Variants in RAP1A observed in about 807,000 individuals in gnomAD.
RAP1A encodes the protein ras-related protein Rap-1A.
RAP1A carries 6 observed loss-of-function variants against 26.4 expected under a neutral mutation model. The observed-to-expected ratio is 0.23, with a 90% CI of 0.12 to 0.45. The LOEUF is 0.45. Ranked by LOEUF, RAP1A falls within the 20% of genes least tolerant of loss-of-function variation. The pLI, the probability that RAP1A is intolerant of heterozygous loss-of-function variation, is 0.99. For synonymous variants in RAP1A, 73 were observed against 79.4 expected, an observed-to-expected ratio of 0.92 and a Z score of 0.43; for missense variants, 121 against 217.2, an observed-to-expected ratio of 0.56 and a Z score of 2.78.
upstream of RAP1A, chr1:111,619,644 A>G (rs1659101802): frequency 5.1e-6 from 2 of 389,646 alleles, no homozygotes; most frequent in Non-Finnish European, 9.1e-6. Context: ...TCCCGGCTCC[A>G]GTGTGCGCGG....
intron 1 of RAP1A, among the ~76,000 whole-genome samples, chr1:111,645,577 A>G (rs571675400): frequency 4.6e-5 from 7 of 152,364 alleles, no homozygotes; most frequent in Admixed American, 2.0e-4. Flanking sequence ...CATGGAATAG[A>G]GGAATCTGAG....
At chr1:111,665,603 T>G (rs1386162726) in intron 1 of RAP1A, among the ~76,000 whole-genome samples, 1 of 152,190 alleles carries the variant, frequency 6.6e-6, no homozygotes, top group Non-Finnish European at 1.5e-5. Context: ...GGTAATACAT[T>G]TAAAAAGCAG....
chr1:111,594,820 T>G (rs1658536082), intron 1 of RAP1A, among the ~76,000 whole-genome samples: 1 of 152,182 alleles, frequency 6.6e-6, no homozygotes, highest in South Asian at 2.1e-4. Flanking sequence ...AAGTCTTCAT[T>G]TCAAAATGAA....
chr1:111,588,116 C>T (rs1658413574), intron 1 of RAP1A, among the ~76,000 whole-genome samples: 2 of 152,196 alleles, frequency 1.3e-5, no homozygotes, highest in Admixed American at 6.5e-5. Context: ...GCCTGCTTCT[C>T]TTCCTGCCTC....
At chr1:111,687,553 A>G (rs1456447201) in intron 1 of RAP1A, among the ~76,000 whole-genome samples, 3 of 152,140 alleles carry the variant, frequency 2.0e-5, no homozygotes, top group Non-Finnish European at 2.9e-5. Flanking sequence ...TGGGACTTAC[A>G]ATATACTTCT....
intron 1 of RAP1A, among the ~76,000 whole-genome samples, chr1:111,562,965 T>C (rs754025453): frequency 6.6e-6 from 1 of 152,258 alleles, no homozygotes; most frequent in Non-Finnish European, 1.5e-5. Flanking sequence ...TTAAGAACTT[T>C]AGATAGATTA....
At chr1:111,697,606 T>G in intron 4 of RAP1A, 109 bp downstream of exon 4, 1 of 1,531,306 alleles carries the variant, frequency 6.5e-7, no homozygotes, top group Non-Finnish European at 8.8e-7. Flanking sequence ...TCATTCTGAT[T>G]AAGAAGAAAT....
chr1:111,578,798 G>T (rs1165895997), intron 1 of RAP1A, among the ~76,000 whole-genome samples: 1 of 152,072 alleles, frequency 6.6e-6, no homozygotes, highest in Non-Finnish European at 1.5e-5. Flanking sequence ...CCACAAAACT[G>T]CTCTCACTTC....
At chr1:111,685,544 T>A (rs563801339) in intron 1 of RAP1A, among the ~76,000 whole-genome samples, 19 of 152,282 alleles carry the variant, frequency 1.2e-4, no homozygotes, top group Admixed American at 2.6e-4. Flanking sequence ...CACTGGTCGT[T>A]AGAGAAATGC....
intron 1 of RAP1A, among the ~76,000 whole-genome samples, chr1:111,555,374 A>AT (rs1437942656): frequency 1.3e-5 from 2 of 150,536 alleles, no homozygotes; most frequent in African/African-American, 4.9e-5. Flanking sequence ...AAAAAAAAAA[A>AT]AAAAAAAAAA....
rs555170188 is a variant in RAP1A at position 111,715,764 on chromosome 1, C to T, written c.*3363C>T. ...TTATAGAAAATAATGATCTTTATTA[C>T]CAACTTTATTAAAACAGGCTTGGAA... On this transcript the variant is annotated 3_prime_UTR_variant, in exon 8 of 8. Coordinates refer to ENST00000369709, the MANE Select transcript of RAP1A (RefSeq NM_002884.4). The T allele has an allele frequency of 3.9e-5, 6 of 152,288 alleles. No homozygotes were observed. Among genetic ancestry groups the T allele is most frequent in the Non-Finnish European group, 7.4e-5 (5 of 68,022 alleles). The allele number at this position is 152,288 out of a possible 1,614,324, so 9.4% of individuals were successfully genotyped here.
chr1:111,639,539 T>G (rs1055085829), intron 1 of RAP1A, among the ~76,000 whole-genome samples: 6 of 151,168 alleles, frequency 4.0e-5, no homozygotes, highest in Non-Finnish European at 7.4e-5. Flanking sequence ...TGATACTATA[T>G]ACTATTAGTA....
In RAP1A at chr1:111,650,093, CTTTTTTTT is replaced by C. The variant is rs57681662; in HGVS notation, c.-28+30177_-28+30184del. Among the ~76,000 whole-genome samples, 13 of 75,852 alleles carry C rather than the reference CTTTTTTTT, an allele frequency of 1.7e-4. No homozygotes were observed. The East Asian group carries it at 2.6e-3, about 15-fold the overall frequency. 49.8% of individuals were successfully genotyped at this position (75,852 alleles called of 152,430 possible). A position where few individuals can be genotyped will look rare whatever the true frequency, so the allele number is the denominator to read the frequency against. On this transcript the variant is annotated intron_variant, in intron 1 of 7. Coordinates refer to ENST00000369709, the MANE Select transcript of RAP1A (RefSeq NM_002884.4). ...GTAATATTTGTGGAGTGGTAGAGTG[CTTTTTTTT>C]TTTTTTTTTTTTTTTTTACATTTAC...
chr1:111,673,967 T>C (rs1164407881), intron 1 of RAP1A, among the ~76,000 whole-genome samples: 1 of 152,238 alleles, frequency 6.6e-6, no homozygotes, highest in Non-Finnish European at 1.5e-5. Context: ...CTTGAATGTC[T>C]TGCCATTTTA....
At chr1:111,657,709 A>G (rs2101150549) in intron 1 of RAP1A, among the ~76,000 whole-genome samples, 1 of 152,324 alleles carries the variant, frequency 6.6e-6, no homozygotes, top group East Asian at 1.9e-4. Flanking sequence ...TGAAAAGACC[A>G]TCCTTTCCCA....
intron 1 of RAP1A, among the ~76,000 whole-genome samples, chr1:111,670,426 A>G (rs1440663600): frequency 1.3e-5 from 2 of 152,142 alleles, no homozygotes; most frequent in African/African-American, 4.8e-5. Flanking sequence ...GTGAGCCAAG[A>G]TCATGCCACT....
chr1:111,658,089 T>C (rs1253450508), intron 1 of RAP1A, among the ~76,000 whole-genome samples: 1 of 152,210 alleles, frequency 6.6e-6, no homozygotes, highest in East Asian at 1.9e-4. Context: ...ATATATATTC[T>C]TTCATTGTTG....
chr1:111,555,830 C>A (rs60452233), intron 1 of RAP1A, among the ~76,000 whole-genome samples: 7,592 of 152,074 alleles, frequency 0.05, 391 homozygotes, highest in East Asian at 0.18. Flanking sequence ...CATAAGGGGA[C>A]AAGCTTCACA....
chr1:111,675,453 CAG>C (rs1661098460), intron 1 of RAP1A, among the ~76,000 whole-genome samples: 3 of 152,018 alleles, frequency 2.0e-5, no homozygotes, highest in Non-Finnish European at 2.9e-5. Flanking sequence ...GCCTGGGCGA[CAG>C]AGTGAGACTC....
Sources: gnomAD v4.1 joint callset for allele counts (sites outside exome capture counted in the v4.1 genomes callset) on GRCh38, gnomAD v4.1.1 for gene constraint, MANE v1.5 for transcripts, NCBI Gene and HGNC (gene_info 2026-07-23, HGNC 2026-07-21) for gene names.